The following NCKAP1L variants were observed in gnomAD, a reference collection of about 807,000 sequenced individuals.
The protein encoded by NCKAP1L is NCK associated protein 1 like.
A neutral mutation model predicts 139.2 loss-of-function variants in NCKAP1L; 53 were observed. The observed-to-expected ratio is 0.38, with a 90% CI of 0.31 to 0.48. The LOEUF is 0.48. NCKAP1L is among the 20% of genes least tolerant of loss of function. The pLI is 0.98. For missense variants in NCKAP1L, 1,151 were observed against 1,381.9 expected (o/e 0.83, Z 2.65); for synonymous variants, 468 against 499.7 (o/e 0.94, Z 0.85).
Position 54,519,101 on chromosome 12 carries a change from A to G in NCKAP1L, c.1480-86A>G, listed in dbSNP as rs1037750474. ...TTGAAAACTGCTAATTGGACAAGAC[A>G]TACTCAGGCCAAACTGTAATTCCAA... On this transcript the variant is annotated intron_variant, in intron 15 of 30. Transcript: ENST00000293373. 7.7e-6 allele frequency: 12 copies of G among 1,566,944 alleles called. No homozygotes were observed. In the African/African-American group the frequency reaches 8.2e-5, roughly 11 times the overall value.
chr12:54,502,573 T>G (rs1370944869), intron 3 of NCKAP1L, among the ~76,000 whole-genome samples: 1 of 152,126 alleles, frequency 6.6e-6, no homozygotes, highest in Non-Finnish European at 1.5e-5. Context: ...TCCCAAATAC[T>G]TAAGCATACA....
intron 3 of NCKAP1L, among the ~76,000 whole-genome samples, chr12:54,501,178 T>G (rs1277966702): frequency 1.3e-5 from 2 of 152,220 alleles, no homozygotes; most frequent in Non-Finnish European, 2.9e-5. Flanking sequence ...TTGACTATTC[T>G]AAGTACCTTA....
intron 20 of NCKAP1L, among the ~76,000 whole-genome samples, chr12:54,525,523 A>C (rs568405257): frequency 2.6e-5 from 4 of 152,182 alleles, no homozygotes; most frequent in South Asian, 2.1e-4. Context: ...TGAGTGTGAC[A>C]TTCAAGTTTT....
At chr12:54,498,612 A>G (rs748200617) in intron 1 of NCKAP1L, among the ~76,000 whole-genome samples, 1 of 152,194 alleles carries the variant, frequency 6.6e-6, no homozygotes, top group Non-Finnish European at 1.5e-5. Flanking sequence ...ACAAATCACC[A>G]GGAACACGGT....
At chr12:54,528,063 C>T (rs1252894363) in intron 21 of NCKAP1L, among the ~76,000 whole-genome samples, 184 bp from the exon 22 acceptor site, 3 of 152,142 alleles carry the variant, frequency 2.0e-5, no homozygotes, top group African/African-American at 7.2e-5. Context: ...CCAGTACTGC[C>T]AGTTGTTTTT....
At chr12:54,536,063 G>C in intron 27 of NCKAP1L, 66 bp from the exon 28 acceptor site, 1 of 1,149,918 alleles carries the variant, frequency 8.7e-7, no homozygotes, top group Non-Finnish European at 1.3e-6. Flanking sequence ...TAGGACCCCT[G>C]TAACAGATAA....
rs764442781 is a variant in NCKAP1L, at chr12:54,509,982, T to A, written c.732T>A (p.Asp244Glu). Residue 244 changes from aspartate to glutamate, a missense_variant, in exon 7 of 31, where the codon GAT becomes GAA. Transcript: ENST00000293373. ...PPAMINPANS[D>E]TMACEYLSVE... ...CCATGATTAACCCTGCTAATTCAGA[T>A]ACAGTGAGTGCCCTTTTCCTTTTGT... 15 of 1,614,194 alleles carry A rather than the reference T, an allele frequency of 9.3e-6. No homozygotes were observed. Among genetic ancestry groups the A allele is most frequent in the Non-Finnish European group, 1.3e-5 (15 of 1,180,022 alleles).
chr12:54,502,660 T>C (rs1956807773), intron 3 of NCKAP1L, among the ~76,000 whole-genome samples: 1 of 151,818 alleles, frequency 6.6e-6, no homozygotes, highest in Non-Finnish European at 1.5e-5. Flanking sequence ...ACAGGAAATA[T>C]AACATACACA....
rs1394027890 is a variant in NCKAP1L, at chr12:54,512,017, C to G, written c.853C>G (p.Leu285Val). The G allele has an allele frequency of 6.2e-7, 1 of 1,614,216 alleles. No homozygotes were observed. The highest frequency in any genetic ancestry group is 1.1e-5 in the South Asian group (1 of 91,084). Residue 285 changes from leucine (L) to valine (V), a missense_variant, in exon 9 of 31, where the codon CTG (leucine) becomes GTG (valine). Physicochemically the swap from Leu to Val is conservative, Grantham distance 32 (BLOSUM62 1). Transcript: ENST00000293373. The part of the protein sequence containing the change: ...SQCQKLWKLC[L>V]QGSLYITLIR... ...GTGCCAGAAGCTGTGGAAGCTGTGT[C>G]TGCAGGGCTCCCTCTACATCACCCT...
chr12:54,511,739 G>T, intron 7 of NCKAP1L, 64 bp from the exon 8 acceptor site: 2 of 1,568,858 alleles, frequency 1.3e-6, no homozygotes, highest in East Asian at 2.2e-5. Flanking sequence ...ATCCTAGTTT[G>T]TCCTTTCTCC....
At chr12:54,503,051 C>A (rs1002283235) in intron 3 of NCKAP1L, among the ~76,000 whole-genome samples, 1 of 151,212 alleles carries the variant, frequency 6.6e-6, no homozygotes, top group East Asian at 1.9e-4. Context: ...TAATATACAG[C>A]CCATATTCAC....
chr12:54,522,979 G>C (rs917510712), intron 18 of NCKAP1L, among the ~76,000 whole-genome samples: 1 of 152,204 alleles, frequency 6.6e-6, no homozygotes, highest in Non-Finnish European at 1.5e-5. Flanking sequence ...AATAGGAAGG[G>C]ATGTAGTATG....
chr12:54,530,473 G>A (rs754533047), intron 22 of NCKAP1L, among the ~76,000 whole-genome samples: 3 of 152,194 alleles, frequency 2.0e-5, no homozygotes, highest in Non-Finnish European at 2.9e-5. Context: ...GAGACTCTGC[G>A]GGATGTGTGT....
In NCKAP1L at chr12:54,542,720, C is replaced by T. The variant is rs1227076249; in HGVS notation, c.*35C>T. ...AGTACCCACTGAAGAGCCCTTTGGA[C>T]CTTCCTAAACCCTTGCCATAGTGGA... On this transcript the variant is annotated 3_prime_UTR_variant, in exon 31 of 31. Coordinates refer to ENST00000293373, the MANE Select transcript of NCKAP1L (RefSeq NM_005337.5). The T allele has an allele frequency of 1.4e-6, 2 of 1,450,548 alleles. No individual in the cohort carries two copies. Among genetic ancestry groups the T allele is most frequent in the Non-Finnish European group, 1.9e-6 (2 of 1,032,128 alleles). The allele number at this position is 1,450,548 out of a possible 1,614,324, so 89.9% of individuals were successfully genotyped here.
At chr12:54,518,825 G>C in intron 14 of NCKAP1L, 89 bp from the exon 15 acceptor site, 1 of 1,510,162 alleles carries the variant, frequency 6.6e-7, no homozygotes, top group Non-Finnish European at 9.2e-7. Context: ...AGTAGGACAA[G>C]ATGTTTTTGA....
At chr12:54,538,482 C>T (rs977226858) in intron 29 of NCKAP1L, among the ~76,000 whole-genome samples, 5 of 152,212 alleles carry the variant, frequency 3.3e-5, no homozygotes, top group Admixed American at 6.5e-5. Flanking sequence ...CGAGCAAGAG[C>T]TGTGTCTGAA....
Position 54,531,290 on chromosome 12 carries a change from C to G in NCKAP1L, c.2537C>G (p.Pro846Arg). 4 of 1,614,150 alleles carry G rather than the reference C, an allele frequency of 2.5e-6. No homozygotes were observed. Among genetic ancestry groups the G allele is most frequent in the Non-Finnish European group, 3.4e-6 (4 of 1,180,002 alleles). Reference sequence around the variant, plus strand: ...CGGGCCTTGGCAGAACTCCTGGGCCCCTATGGCATGAAGTTCCTGAGTGAA... The same window carrying G: ...CGGGCCTTGGCAGAACTCCTGGGCCGCTATGGCATGAAGTTCCTGAGTGAA... Reference protein sequence around the residue: ...EMRALAELLGPYGMKFLSENL... With the variant: ...EMRALAELLGRYGMKFLSENL... The change falls in exon 23 of 31, where the codon CCC becomes CGC. Residue 846 changes from proline (P) to arginine (R), a missense_variant. Transcript: ENST00000293373.
intron 3 of NCKAP1L, 50 bp from the exon 4 acceptor site, chr12:54,507,803 C>T (rs1956854481): frequency 3.9e-6 from 6 of 1,553,198 alleles, no homozygotes; most frequent in Non-Finnish European, 5.3e-6. Context: ...GGTAGTACGT[C>T]ACCTTCTCTT....
chr12:54,498,885 T>C lies in NCKAP1L; in HGVS notation c.103-470T>C, dbSNP rs908019969. The C allele has an allele frequency of 1.2e-5, 8 of 663,282 alleles. No homozygotes were observed. The Admixed American group carries it at 4.5e-4, about 37-fold the overall frequency. 41.1% of individuals were successfully genotyped at this position (663,282 alleles called of 1,614,324 possible). A position where few individuals can be genotyped will look rare whatever the true frequency, so the allele number is the denominator to read the frequency against. ...TGGCTTAATGTCTTGGAATTTTTTCTTGACCTACTCTTATGCTTTTTATTT... is the reference window on the plus strand; with the variant it reads ...TGGCTTAATGTCTTGGAATTTTTTCCTGACCTACTCTTATGCTTTTTATTT... On this transcript the variant is annotated intron_variant, in intron 1 of 30. Coordinates refer to ENST00000293373, the MANE Select transcript of NCKAP1L (RefSeq NM_005337.5).
Sources: gnomAD v4.1 joint callset for allele counts (sites outside exome capture counted in the v4.1 genomes callset) on GRCh38, gnomAD v4.1.1 for gene constraint, MANE v1.5 for transcripts, NCBI Gene and HGNC (gene_info 2026-07-23, HGNC 2026-07-21) for gene names.